Variants in SLC24A2 observed in about 807,000 individuals in gnomAD.
SLC24A2 encodes the protein solute carrier family 24 member 2.
In SLC24A2, 36 loss-of-function variants were observed where a neutral mutation model predicts 62.0. The observed-to-expected ratio is 0.58, with a 90% CI of 0.44 to 0.77. SLC24A2 has a LOEUF of 0.77. Among genes scored for constraint, SLC24A2 ranks in the 30% least tolerant of loss-of-function variants. The pLI is 0.00. For missense variants in SLC24A2, 846 were observed against 817.9 expected (o/e 1.03, Z -0.42); for synonymous variants, 358 against 294.0 (o/e 1.22, Z -2.23).
chr9:20,243,974 C>A, the SLC24A2 span, among the ~76,000 whole-genome samples: 3 of 152,010 alleles, frequency 2.0e-5, no homozygotes, highest in Non-Finnish European at 4.4e-5. Flanking sequence ...GGGGATCAGG[C>A]GGAGATTTCT....
At chr9:19,517,116 T>C (rs947256104) in intron 10 of SLC24A2, among the ~76,000 whole-genome samples, 2 of 152,206 alleles carry the variant, frequency 1.3e-5, no homozygotes, top group Non-Finnish European at 2.9e-5. Flanking sequence ...GGATCTCTTG[T>C]GTTTCCTATC....
At chr9:19,529,953 A>G (rs1833622180) in intron 8 of SLC24A2, among the ~76,000 whole-genome samples, 1 of 151,708 alleles carries the variant, frequency 6.6e-6, no homozygotes, top group South Asian at 2.1e-4. Context: ...GGGTTTCACC[A>G]TGTTGGCCAG....
At position 19,615,014 on chromosome 9, in the gene SLC24A2, G is replaced by A. The variant is rs182617501; in HGVS notation, c.1078+4570C>T. On this transcript the variant is annotated intron_variant, in intron 4 of 10. Transcript: ENST00000341998. The stretch of plus-strand genomic sequence containing the variant: ...CAGTTATAAGCCACTAAGTCTTGGG[G>A]TGCTTTGTTACACATCAACAGATAA... Among the ~76,000 whole-genome samples, 18 of 152,254 alleles carry A rather than the reference G, an allele frequency of 1.2e-4. No homozygotes were observed. In the East Asian group the frequency reaches 3.5e-3, roughly 29 times the overall value.
At chr9:19,710,779 A>G (rs925331047) in intron 2 of SLC24A2, among the ~76,000 whole-genome samples, 1 of 152,146 alleles carries the variant, frequency 6.6e-6, no homozygotes, top group African/African-American at 2.4e-5. Flanking sequence ...CTCTGGCCAC[A>G]GGTCGAGAAA....
chr9:19,682,023 C>G (rs1425879979), intron 2 of SLC24A2, among the ~76,000 whole-genome samples: 2 of 152,106 alleles, frequency 1.3e-5, no homozygotes, highest in Admixed American at 6.6e-5. Flanking sequence ...TTTCTTCTGT[C>G]CAAATTTGCT....
chr9:20,029,889 A>AGTTATATTATGGTGTGACAAGCC, the SLC24A2 span, among the ~76,000 whole-genome samples: 1 of 152,208 alleles, frequency 6.6e-6, no homozygotes. Context: ...TGAAACAAGC[A>AGTTATATTATGGTGTGACAAGCC]GTTATATTAT....
At chr9:19,978,098 A>G in the SLC24A2 span, among the ~76,000 whole-genome samples, 1 of 152,126 alleles carries the variant, frequency 6.6e-6, no homozygotes, top group Non-Finnish European at 1.5e-5. Context: ...ATTGCAGAGA[A>G]CAAGAGATTT....
At chr9:20,165,143 A>T in the SLC24A2 span, among the ~76,000 whole-genome samples, 4 of 151,912 alleles carry the variant, frequency 2.6e-5, no homozygotes, top group East Asian at 1.9e-4. Context: ...ATAATAATAA[A>T]AAAAGAAAGA....
chr9:20,058,998 G>A, the SLC24A2 span, among the ~76,000 whole-genome samples: 1 of 152,216 alleles, frequency 6.6e-6, no homozygotes, highest in Non-Finnish European at 1.5e-5. Context: ...TGTGCAGTTA[G>A]TGAGTGCATT....
the SLC24A2 span, among the ~76,000 whole-genome samples, chr9:20,235,119 G>A: frequency 6.6e-6 from 1 of 152,230 alleles, no homozygotes; most frequent in Non-Finnish European, 1.5e-5. Context: ...GGCTGTGTGA[G>A]GTGTCAGTCC....
the SLC24A2 span, among the ~76,000 whole-genome samples, chr9:20,266,705 G>C: frequency 6.6e-6 from 1 of 152,122 alleles, no homozygotes; most frequent in Non-Finnish European, 1.5e-5. Flanking sequence ...TTCTACATAA[G>C]CAAGTTTGAA....
chr9:19,693,851 T>TA (rs1309456641), intron 2 of SLC24A2, among the ~76,000 whole-genome samples: 1 of 152,110 alleles, frequency 6.6e-6, no homozygotes, highest in Non-Finnish European at 1.5e-5. Context: ...TCTTTCTTTT[T>TA]ACCTGTCTTT....
the SLC24A2 span, among the ~76,000 whole-genome samples, chr9:20,292,480 T>G: frequency 6.6e-6 from 1 of 152,206 alleles, no homozygotes; most frequent in Admixed American, 6.5e-5. Context: ...TAATAAATAG[T>G]TCAGAAACAC....
At chr9:20,181,411 C>T in the SLC24A2 span, among the ~76,000 whole-genome samples, 4 of 152,118 alleles carry the variant, frequency 2.6e-5, no homozygotes, top group African/African-American at 7.2e-5. Context: ...GTCACCAAAA[C>T]GGCATGGTAC....
At chr9:19,883,783 T>A in the SLC24A2 span, among the ~76,000 whole-genome samples, 1 of 152,252 alleles carries the variant, frequency 6.6e-6, no homozygotes, top group East Asian at 1.9e-4. Context: ...GCCAGGATGG[T>A]CTTGATCTCC....
At chr9:19,652,264 G>C (rs775064927) in intron 2 of SLC24A2, among the ~76,000 whole-genome samples, 9 of 152,102 alleles carry the variant, frequency 5.9e-5, no homozygotes, top group Non-Finnish European at 1.3e-4. Context: ...TACCATGGTA[G>C]GCTGAATACT....
At chr9:20,091,384 T>C in the SLC24A2 span, among the ~76,000 whole-genome samples, 4 of 151,946 alleles carry the variant, frequency 2.6e-5, no homozygotes, top group Admixed American at 2.0e-4. Flanking sequence ...TATAAGAAGA[T>C]CATCCTCAAG....
At chr9:19,603,347 C>G (rs1056423055) in intron 4 of SLC24A2, among the ~76,000 whole-genome samples, 2 of 152,138 alleles carry the variant, frequency 1.3e-5, no homozygotes, top group Non-Finnish European at 2.9e-5. Context: ...ACATTTATTA[C>G]CCACTCTTAG....
the SLC24A2 span, among the ~76,000 whole-genome samples, chr9:20,272,805 G>A: frequency 2.0e-5 from 3 of 152,180 alleles, no homozygotes; most frequent in Non-Finnish European, 4.4e-5. Flanking sequence ...GGTTTATTAG[G>A]AGATTATCAG....
Sources: gnomAD v4.1 joint callset for allele counts (sites outside exome capture counted in the v4.1 genomes callset) on GRCh38, gnomAD v4.1.1 for gene constraint, MANE v1.5 for transcripts, NCBI Gene and HGNC (gene_info 2026-07-23, HGNC 2026-07-21) for gene names.